Variants in SOX6 observed in about 807,000 individuals in gnomAD.
SOX6 encodes SRY-box transcription factor 6.
Under a neutral mutation model 97.8 loss-of-function variants are expected in SOX6, and 11 were observed. The observed-to-expected ratio is 0.11, with a 90% CI of 0.07 to 0.19. The LOEUF (loss-of-function observed/expected upper bound fraction) is 0.19. SOX6 is among the 10% of genes least tolerant of loss of function. The pLI is 1.00. For synonymous variants in SOX6, 360 were observed against 371.4 expected (o/e 0.97, Z 0.35); for missense variants, 810 against 1,039.5 (o/e 0.78, Z 3.04).
intron 1 of SOX6, among the ~76,000 whole-genome samples, chr11:16,372,179 T>C (rs1857508971): frequency 2.6e-5 from 4 of 152,084 alleles, no homozygotes; most frequent in Admixed American, 2.6e-4. Context: ...TGACATATAT[T>C]GTTAAATCTC....
At chr11:16,113,238 A>G (rs999189729) in intron 6 of SOX6, among the ~76,000 whole-genome samples, 1 of 152,208 alleles carries the variant, frequency 6.6e-6, no homozygotes, top group African/African-American at 2.4e-5. Context: ...GTGGGTTAAT[A>G]AAGGGCAAGC....
chr11:16,321,614 G>T (rs931846223), intron 2 of SOX6, among the ~76,000 whole-genome samples: 1 of 151,984 alleles, frequency 6.6e-6, no homozygotes, highest in South Asian at 2.1e-4. Context: ...AATAACCATG[G>T]GTTCCTTATT....
intron 6 of SOX6, among the ~76,000 whole-genome samples, chr11:16,151,319 A>G (rs1187782696): frequency 6.6e-6 from 1 of 152,166 alleles, no homozygotes; most frequent in Non-Finnish European, 1.5e-5. Context: ...GTGATTAAGA[A>G]ATGACTGAAT....
At chr11:16,525,219 T>A (rs911437596) in intron 4 of SOX6, among the ~76,000 whole-genome samples, 38 of 152,168 alleles carry the variant, frequency 2.5e-4, no homozygotes, top group Non-Finnish European at 5.1e-4. Context: ...CCACGCTACC[T>A]GACTTCAAAC....
chr11:16,460,771 C>A (rs1344703605), intron 1 of SOX6, among the ~76,000 whole-genome samples: 1 of 152,072 alleles, frequency 6.6e-6, no homozygotes, highest in Non-Finnish European at 1.5e-5. Context: ...CTGTTCTATT[C>A]TTCACAGATG....
chr11:16,728,829 C>T (rs1848327561), intron 2 of SOX6, among the ~76,000 whole-genome samples: 2 of 151,996 alleles, frequency 1.3e-5, no homozygotes, highest in African/African-American at 4.8e-5. Flanking sequence ...AAGCTAAGAA[C>T]CCTGAAAAAA....
intron 13 of SOX6, among the ~76,000 whole-genome samples, chr11:16,007,091 A>C (rs1045558477): frequency 1.3e-5 from 2 of 152,098 alleles, no homozygotes; most frequent in Admixed American, 6.6e-5. Flanking sequence ...ACAGTCATGC[A>C]TTGCTTAATG....
chr11:16,580,669 C>T (rs1367070038), intron 4 of SOX6, among the ~76,000 whole-genome samples: 1 of 152,084 alleles, frequency 6.6e-6, no homozygotes, highest in Non-Finnish European at 1.5e-5. Flanking sequence ...AGGCAACCTA[C>T]AGAATGGGAG....
chr11:16,519,013 TA>T (rs1228559193), intron 4 of SOX6, among the ~76,000 whole-genome samples: 16 of 152,148 alleles, frequency 1.1e-4, no homozygotes, highest in Non-Finnish European at 1.5e-5. Context: ...CCTTTCTACT[TA>T]TGTCACTAAC....
At chr11:16,412,459 A>G (rs1021835727) in intron 1 of SOX6, among the ~76,000 whole-genome samples, 1 of 152,184 alleles carries the variant, frequency 6.6e-6, no homozygotes, top group African/African-American at 2.4e-5. Context: ...ACCAACTCAA[A>G]GTAGCTTTTT....
At chr11:15,984,822 T>C (rs183807255) in intron 15 of SOX6, among the ~76,000 whole-genome samples, 1 of 152,322 alleles carries the variant, frequency 6.6e-6, no homozygotes, top group Admixed American at 6.5e-5. Flanking sequence ...TTTTCTGTGA[T>C]AGGAAATACA....
At chr11:16,498,657 T>C (rs1424425689) in intron 4 of SOX6, among the ~76,000 whole-genome samples, 1 of 152,016 alleles carries the variant, frequency 6.6e-6, no homozygotes, top group Non-Finnish European at 1.5e-5. Flanking sequence ...GCAGTTGCAA[T>C]CCCAGTCTCT....
Position 16,646,254 on chromosome 11 carries a change from A to G in SOX6, n.430-33994T>C, listed in dbSNP as rs532743070. 1.2e-4 allele frequency: 19 copies of G among 152,366 alleles called. No individual in the cohort carries two copies. The East Asian group carries it at 2.5e-3, about 20-fold the overall frequency. The allele number at this position is 152,366 out of a possible 1,614,324, so 9.4% of individuals were successfully genotyped here. On this transcript the variant is annotated intron_variant and non_coding_transcript_variant, in intron 3 of 5. Coordinates refer to the SOX6 transcript ENST00000524520. ...TAAACTCTACTGGCAAAACAAAGAC[A>G]CACAGACTTGTGGCAAAGCTCTAAG...
At chr11:16,596,906 A>G (rs565256749) in intron 4 of SOX6, among the ~76,000 whole-genome samples, 1 of 152,170 alleles carries the variant, frequency 6.6e-6, no homozygotes, top group Non-Finnish European at 1.5e-5. Flanking sequence ...GGTGTACGGG[A>G]AATGCAGCAA....
intron 2 of SOX6, among the ~76,000 whole-genome samples, chr11:16,326,448 T>A (rs77647117): frequency 1.3e-5 from 2 of 152,076 alleles, no homozygotes; most frequent in African/African-American, 4.8e-5. Flanking sequence ...GGTAAAAATC[T>A]TTAACTGCAG....
intron 4 of SOX6, among the ~76,000 whole-genome samples, chr11:16,541,045 A>C (rs1256744200): frequency 6.6e-6 from 1 of 152,112 alleles, no homozygotes; most frequent in South Asian, 2.1e-4. Flanking sequence ...CAAAGATGGA[A>C]GCATCACACT....
intron 15 of SOX6, among the ~76,000 whole-genome samples, chr11:15,985,527 G>A (rs1378951220): frequency 6.6e-6 from 1 of 152,120 alleles, no homozygotes; most frequent in African/African-American, 2.4e-5. Context: ...TGACTACTGT[G>A]GTTATGAGGG....
At chr11:16,485,434 T>G (rs1860412676) in intron 4 of SOX6, among the ~76,000 whole-genome samples, 1 of 151,734 alleles carries the variant, frequency 6.6e-6, no homozygotes, top group Non-Finnish European at 1.5e-5. Context: ...AAAAGAAATT[T>G]AAAAATTAGC....
At chr11:16,188,066 T>C (rs1372854920) in intron 4 of SOX6, among the ~76,000 whole-genome samples, 2 of 151,930 alleles carry the variant, frequency 1.3e-5, no homozygotes, top group African/African-American at 4.8e-5. Flanking sequence ...ATATTTTAAT[T>C]ATGAGTGGCC....
Sources: allele counts gnomAD v4.1 joint callset (sites outside exome capture counted in the v4.1 genomes callset), GRCh38; gene constraint gnomAD v4.1.1; transcripts MANE v1.5; gene names NCBI Gene and HGNC (gene_info 2026-07-23, HGNC 2026-07-21).